The following SNX4 variants were observed in gnomAD, a reference collection of about 807,000 sequenced individuals.
SNX4 encodes the protein sorting nexin 4.
In SNX4, 49 loss-of-function variants were observed where a neutral mutation model predicts 70.8. That is an observed-to-expected ratio of 0.69 (90% confidence interval 0.55 to 0.88). The LOEUF is 0.88. SNX4 is among the 40% of genes least tolerant of loss of function. SNX4 has a pLI of 0.00. For synonymous variants in SNX4, 206 were observed against 183.8 expected (o/e 1.12, Z -0.98); for missense variants, 528 against 544.8 (o/e 0.97, Z 0.31).
At chr3:125,497,742 A>T in intron 4 of SNX4, 92 bp downstream of exon 4, 1 of 856,268 alleles carries the variant, frequency 1.2e-6, no homozygotes, top group Non-Finnish European at 1.7e-6. Flanking sequence ...ATATAAATTA[A>T]TGAAAAGATC....
chr3:125,470,088 A>G (rs1310792881), intron 8 of SNX4, among the ~76,000 whole-genome samples: 1 of 152,232 alleles, frequency 6.6e-6, no homozygotes, highest in African/African-American at 2.4e-5. Context: ...AATGCTTTAC[A>G]TTAAAAATCT....
chr3:125,476,264 T>C (rs1395923008), intron 8 of SNX4, among the ~76,000 whole-genome samples: 1 of 57,480 alleles, frequency 1.7e-5, no homozygotes, highest in Non-Finnish European at 2.8e-5. Flanking sequence ...AGACTCCATC[T>C]CAAAAAAAAA....
chr3:125,486,509 C>G (rs1323585636), intron 6 of SNX4, among the ~76,000 whole-genome samples: 1 of 151,984 alleles, frequency 6.6e-6, no homozygotes, highest in East Asian at 1.9e-4. Context: ...GCCTATAGTC[C>G]CAGCTACTCA....
chr3:125,492,955 T>C lies in SNX4; in HGVS notation c.598-3492A>G, dbSNP rs1043864301. Among the ~76,000 whole-genome samples, 68 of 152,206 alleles carry C rather than the reference T, an allele frequency of 4.5e-4. 1 individual carries two copies. Among genetic ancestry groups the C allele is most frequent in the Non-Finnish European group, 5.9e-5 (4 of 68,028 alleles). On this transcript the variant is annotated intron_variant, in intron 5 of 13. Coordinates refer to ENST00000251775, the MANE Select transcript of SNX4 (RefSeq NM_003794.4). The stretch of plus-strand genomic sequence containing the variant: ...GAATCAGCCTAAATTCATTTAAGGA[T>C]TGGGTATTCAGAACAATGCTTTCAT...
intron 9 of SNX4, among the ~76,000 whole-genome samples, chr3:125,464,556 TTATC>T (rs377698036): frequency 1.3e-5 from 2 of 148,272 alleles, no homozygotes; most frequent in Admixed American, 7.0e-5. Flanking sequence ...ATTGATCTAT[TTATC>T]TTTCTTTTTT....
intron 7 of SNX4, among the ~76,000 whole-genome samples, chr3:125,479,556 A>AAAT (rs377153136): frequency 0.074 from 11,074 of 150,464 alleles, 996 homozygotes; most frequent in African/African-American, 0.21. Context: ...CTCCATCTCA[A>AAAT]AATAATAATA....
rs549806105 is a variant in SNX4 at position 125,459,217 on chromosome 3, ACT to A, written c.944+1552_944+1553del. On this transcript the variant is annotated intron_variant, in intron 10 of 13. Transcript: ENST00000251775. Reference sequence around the variant, plus strand: ...AAATACAACAAGAAAGTTCAAGAACACTCTCTTTCCTCCAATCCCACTATCCA... The same window carrying A: ...AAATACAACAAGAAAGTTCAAGAACACTCTTTCCTCCAATCCCACTATCCA... 4.5e-4 allele frequency among the ~76,000 whole-genome samples: 69 copies of A among 152,114 alleles called. 1 individual carries two copies. In the South Asian group the frequency reaches 0.014, roughly 31 times the overall value.
chr3:125,519,973 A>ACCCCC, intron 1 of SNX4, 59 bp downstream of exon 1: 1 of 637,438 alleles, frequency 1.6e-6, no homozygotes, highest in Non-Finnish European at 2.3e-6. Context: ...AGCCCAGCCC[A>ACCCCC]GCCCGGCCCG....
At chr3:125,473,108 T>A (rs1028876798) in intron 8 of SNX4, among the ~76,000 whole-genome samples, 11 of 152,122 alleles carry the variant, frequency 7.2e-5, no homozygotes, top group Admixed American at 3.9e-4. Context: ...TGTGAAGATT[T>A]CAGATACAAA....
intron 6 of SNX4, among the ~76,000 whole-genome samples, chr3:125,482,868 AT>A (rs1934445822): frequency 6.6e-6 from 1 of 152,140 alleles, no homozygotes; most frequent in Admixed American, 6.6e-5. Context: ...AGTTGGCAAG[AT>A]TGGCTCCCAA....
intron 6 of SNX4, among the ~76,000 whole-genome samples, chr3:125,489,056 G>A (rs1220908544): frequency 1.3e-5 from 2 of 152,100 alleles, no homozygotes; most frequent in Non-Finnish European, 2.9e-5. Flanking sequence ...TTAAGTATAT[G>A]TAAAAAGTAT....
At chr3:125,476,797 T>C in intron 7 of SNX4, 41 bp from the exon 8 acceptor site, 2 of 1,213,432 alleles carry the variant, frequency 1.6e-6, no homozygotes, top group Non-Finnish European at 2.4e-6. Context: ...TAGGTCAAAG[T>C]TATATCCTCA....
intron 5 of SNX4, among the ~76,000 whole-genome samples, chr3:125,491,341 T>C (rs926953242): frequency 6.6e-6 from 1 of 152,230 alleles, no homozygotes; most frequent in Non-Finnish European, 1.5e-5. Flanking sequence ...CAAAATGTGA[T>C]TCTTTAAATG....
intron 6 of SNX4, among the ~76,000 whole-genome samples, chr3:125,483,468 G>A (rs929875529): frequency 3.3e-5 from 5 of 152,134 alleles, no homozygotes; most frequent in Non-Finnish European, 5.9e-5. Context: ...GTCATATTTG[G>A]ATATGAGAAA....
At chr3:125,515,330 C>T (rs1247118217) in intron 1 of SNX4, among the ~76,000 whole-genome samples, 2 of 148,512 alleles carry the variant, frequency 1.3e-5, no homozygotes, top group African/African-American at 2.5e-5. Flanking sequence ...CCAATCTGGG[C>T]GACAGAGGGA....
rs1288574992 is a variant in SNX4 at position 125,446,767 on chromosome 3, A to G, written c.*1012T>C. On this transcript the variant is annotated 3_prime_UTR_variant, in exon 14 of 14. Transcript: ENST00000251775. Reference sequence around the variant, plus strand: ...AACAGGACTAGGGATTTTTTTTTACATCATTAGAAATAACGAGTACACATT... The same window carrying G: ...AACAGGACTAGGGATTTTTTTTTACGTCATTAGAAATAACGAGTACACATT... 1 of 152,578 alleles carries G rather than the reference A, an allele frequency of 6.6e-6. No individual in the cohort carries two copies. Among genetic ancestry groups the G allele is most frequent in the Non-Finnish European group, 1.5e-5 (1 of 68,026 alleles). 9.5% of individuals were successfully genotyped at this position (152,578 alleles called of 1,614,324 possible). A position where few individuals can be genotyped will look rare whatever the true frequency, so the allele number is the denominator to read the frequency against.
chr3:125,480,956 A>G (rs1934397149), intron 6 of SNX4, among the ~76,000 whole-genome samples: 1 of 151,850 alleles, frequency 6.6e-6, no homozygotes, highest in African/African-American at 2.4e-5. Flanking sequence ...CTGACTTCCT[A>G]TCTCTATAAA....
intron 6 of SNX4, among the ~76,000 whole-genome samples, chr3:125,482,482 C>A (rs964542574): frequency 1.3e-5 from 2 of 152,050 alleles, no homozygotes; most frequent in African/African-American, 4.8e-5. Flanking sequence ...GTCTCTCTGC[C>A]AATGCCCTAA....
At chr3:125,498,017 C>A in intron 3 of SNX4, 34 bp from the exon 4 acceptor site, 1 of 1,613,916 alleles carries the variant, frequency 6.2e-7, no homozygotes, top group South Asian at 1.1e-5. Flanking sequence ...AGAATAGTCT[C>A]AATGCTGAAT....
Sources: gnomAD v4.1 joint callset for allele counts (sites outside exome capture counted in the v4.1 genomes callset) on GRCh38, gnomAD v4.1.1 for gene constraint, MANE v1.5 for transcripts, NCBI Gene and HGNC (gene_info 2026-07-23, HGNC 2026-07-21) for gene names.